Variants in CNTNAP2 observed in about 807,000 individuals in gnomAD.
CNTNAP2 encodes contactin associated protein 2.
In CNTNAP2, 98 loss-of-function variants were observed where a neutral mutation model predicts 155.2. The observed-to-expected ratio is 0.63, with a 90% CI of 0.54 to 0.75. CNTNAP2 has a LOEUF of 0.75. Among genes scored for constraint, CNTNAP2 ranks in the 30% least tolerant of loss-of-function variants. The pLI, the probability that CNTNAP2 is intolerant of heterozygous loss-of-function variation, is 0.00. For synonymous variants in CNTNAP2, 651 were observed against 631.2 expected (o/e 1.03, Z -0.47); for missense variants, 1,727 against 1,688.1 (o/e 1.02, Z -0.40).
chr7:148,357,331 G>A (rs7810334), intron 21 of CNTNAP2, among the ~76,000 whole-genome samples: 41,702 of 152,094 alleles, frequency 0.27, 6,299 homozygotes, highest in African/African-American at 0.4. Flanking sequence ...CCCCAGCCAT[G>A]TGGAACTGTG....
chr7:148,402,481 TAAAA>T (rs1799609654), intron 22 of CNTNAP2, among the ~76,000 whole-genome samples: 1 of 152,206 alleles, frequency 6.6e-6, no homozygotes. Context: ...TCTCTTAAAA[TAAAA>T]CAATGTCCCT....
chr7:146,953,676 C>G (rs761588285), intron 3 of CNTNAP2, among the ~76,000 whole-genome samples: 1 of 151,832 alleles, frequency 6.6e-6, no homozygotes, highest in Non-Finnish European at 1.5e-5. Flanking sequence ...TGGCTATGAA[C>G]TTGTTGAAAA....
At chr7:147,137,782 C>A (rs528243284) in intron 8 of CNTNAP2, among the ~76,000 whole-genome samples, 2 of 151,386 alleles carry the variant, frequency 1.3e-5, no homozygotes, top group Non-Finnish European at 3.0e-5. Flanking sequence ...GAACAAATTC[C>A]GCACCATCTA....
At chr7:146,744,767 A>G (rs1801781001) in intron 1 of CNTNAP2, among the ~76,000 whole-genome samples, 1 of 152,176 alleles carries the variant, frequency 6.6e-6, no homozygotes, top group Non-Finnish European at 1.5e-5. Context: ...GAGTGGGTGC[A>G]ATAGAACTGG....
At position 146,656,644 on chromosome 7, in the gene CNTNAP2, T is replaced by C. The variant is rs930795783; in HGVS notation, c.98-117627T>C. On this transcript the variant is annotated intron_variant, in intron 1 of 23. Coordinates refer to ENST00000361727, the MANE Select transcript of CNTNAP2 (RefSeq NM_014141.6). Reference sequence around the variant, plus strand: ...GAAAGAAACACAAAAGCAGCTGTTGTTAAAGGCGTTAGGTAGGCTTTGCCA... The same window carrying C: ...GAAAGAAACACAAAAGCAGCTGTTGCTAAAGGCGTTAGGTAGGCTTTGCCA... Among the ~76,000 whole-genome samples the C allele has an allele frequency of 9.8e-5, 15 of 152,296 alleles. 1 individual carries two copies. Among genetic ancestry groups the C allele is most frequent in the Non-Finnish European group, 2.2e-4 (15 of 68,018 alleles).
chr7:147,258,713 A>C (rs1804386472), intron 8 of CNTNAP2, among the ~76,000 whole-genome samples: 1 of 152,178 alleles, frequency 6.6e-6, no homozygotes, highest in South Asian at 2.1e-4. Context: ...TTGATGCGGA[A>C]ACTGAGGCCT....
intron 21 of CNTNAP2, among the ~76,000 whole-genome samples, chr7:148,330,204 GTGGATGGATGGAA>G (rs71188971): frequency 0.78 from 110,077 of 141,232 alleles, 42,734 homozygotes; most frequent in Admixed American, 0.79. Context: ...GGTGGATGGA[GTGGATGGATGGAA>G]TGGATGGATG....
intron 18 of CNTNAP2, among the ~76,000 whole-genome samples, chr7:148,214,276 T>C (rs538349391): frequency 8.5e-5 from 13 of 152,346 alleles, no homozygotes; most frequent in African/African-American, 2.4e-4. Flanking sequence ...CAGTGCTCAA[T>C]AGATGTTTGC....
At chr7:146,819,425 C>T (rs1009245502) in intron 2 of CNTNAP2, among the ~76,000 whole-genome samples, 1 of 152,150 alleles carries the variant, frequency 6.6e-6, no homozygotes, top group African/African-American at 2.4e-5. Flanking sequence ...AACTTTTCTC[C>T]TTGGCTACCA....
chr7:147,554,846 TA>T (rs796267547), intron 11 of CNTNAP2, among the ~76,000 whole-genome samples: 170 of 145,402 alleles, frequency 1.2e-3, no homozygotes, highest in East Asian at 1.6e-3. Flanking sequence ...ATTCAAGCTC[TA>T]AAAAAAAAAA....
intron 10 of CNTNAP2, among the ~76,000 whole-genome samples, chr7:147,398,697 C>T (rs1188244979): frequency 7.1e-6 from 1 of 140,356 alleles, no homozygotes; most frequent in Non-Finnish European, 1.5e-5. Flanking sequence ...GCAAGCTTGC[C>T]AAGCTACAGA....
At chr7:147,832,302 T>C (rs1180644188) in intron 13 of CNTNAP2, among the ~76,000 whole-genome samples, 2 of 146,508 alleles carry the variant, frequency 1.4e-5, no homozygotes, top group African/African-American at 4.9e-5. Flanking sequence ...TTTTTATATA[T>C]TTATTATATA....
At chr7:146,584,876 G>A (rs1334310546) in intron 1 of CNTNAP2, among the ~76,000 whole-genome samples, 9 of 152,122 alleles carry the variant, frequency 5.9e-5, no homozygotes, top group African/African-American at 2.2e-4. Flanking sequence ...ATCACTGTAT[G>A]AAGAAGGGAA....
At chr7:146,987,176 C>T (rs1186885731) in intron 3 of CNTNAP2, among the ~76,000 whole-genome samples, 2 of 152,094 alleles carry the variant, frequency 1.3e-5, no homozygotes, top group Non-Finnish European at 2.9e-5. Context: ...TTGATGCCAA[C>T]ATTAGATATA....
At chr7:146,129,187 A>G (rs1432252560) in intron 1 of CNTNAP2, among the ~76,000 whole-genome samples, 1 of 152,196 alleles carries the variant, frequency 6.6e-6, no homozygotes, top group Non-Finnish European at 1.5e-5. Context: ...TCACCCACGT[A>G]TCAATTTTTG....
intron 18 of CNTNAP2, among the ~76,000 whole-genome samples, chr7:148,195,056 ATC>A (rs978744564): frequency 2.6e-4 from 40 of 152,300 alleles, no homozygotes; most frequent in South Asian, 6.2e-4. Flanking sequence ...ATTGTCAGAA[ATC>A]TCTCACAACT....
At chr7:147,370,420 G>A (rs190891934) in intron 9 of CNTNAP2, among the ~76,000 whole-genome samples, 22 of 152,272 alleles carry the variant, frequency 1.4e-4, no homozygotes, top group African/African-American at 5.3e-4. Flanking sequence ...GCAGTGGTGT[G>A]CTGGAGCTTG....
intron 12 of CNTNAP2, among the ~76,000 whole-genome samples, chr7:147,627,300 T>C (rs1438194812): frequency 6.6e-6 from 1 of 152,170 alleles, no homozygotes; most frequent in Non-Finnish European, 1.5e-5. Context: ...TCCCCAGCAA[T>C]GGATCCAAAC....
At chr7:147,479,175 C>T (rs1798376348) in intron 10 of CNTNAP2, among the ~76,000 whole-genome samples, 1 of 152,232 alleles carries the variant, frequency 6.6e-6, no homozygotes, top group South Asian at 2.1e-4. Flanking sequence ...GGGATTCCTC[C>T]TCCTTCCAGG....
Sources: gnomAD v4.1 joint callset for allele counts (sites outside exome capture counted in the v4.1 genomes callset) on GRCh38, gnomAD v4.1.1 for gene constraint, MANE v1.5 for transcripts, NCBI Gene and HGNC (gene_info 2026-07-23, HGNC 2026-07-21) for gene names.